The following ADGRL3 variants were observed in gnomAD, a reference collection of about 807,000 sequenced individuals.
ADGRL3 encodes the protein calcium-independent alpha-latrotoxin receptor 3.
In ADGRL3, 62 loss-of-function variants were observed where a neutral mutation model predicts 153.5. That is an observed-to-expected ratio of 0.40 (90% confidence interval 0.33 to 0.50). The LOEUF (loss-of-function observed/expected upper bound fraction) is 0.50, where lower values mean the gene tolerates loss of function less well. ADGRL3 is among the 20% of genes least tolerant of loss of function. ADGRL3 has a pLI of 0.47. For missense variants in ADGRL3, 1,641 were observed against 1,859.4 expected (o/e 0.88, Z 2.16); for synonymous variants, 710 against 672.5 (o/e 1.06, Z -0.86).
chr4:61,214,097 A>G (rs931035811), intron 1 of ADGRL3, among the ~76,000 whole-genome samples: 5 of 152,198 alleles, frequency 3.3e-5, no homozygotes, highest in Admixed American at 1.3e-4. Context: ...AACTTTTACT[A>G]ACTCTTTGGT....
intron 5 of ADGRL3, among the ~76,000 whole-genome samples, chr4:61,604,012 T>C (rs1244027490): frequency 6.6e-6 from 1 of 152,166 alleles, no homozygotes; most frequent in African/African-American, 2.4e-5. Flanking sequence ...GAGAGAGACA[T>C]TTGGCACTAA....
At chr4:62,016,292 C>T (rs910712987) in intron 21 of ADGRL3, among the ~76,000 whole-genome samples, 21 of 152,094 alleles carry the variant, frequency 1.4e-4, no homozygotes, top group Non-Finnish European at 1.9e-4. Flanking sequence ...CATGATCTGC[C>T]CCCCTCGGCC....
chr4:61,744,122 T>A (rs1263147572), intron 8 of ADGRL3, among the ~76,000 whole-genome samples: 1 of 151,882 alleles, frequency 6.6e-6, no homozygotes, highest in Non-Finnish European at 1.5e-5. Context: ...AGCACAACAG[T>A]CTGAGATCAA....
chr4:61,825,398 G>T (rs1290375609), intron 9 of ADGRL3, among the ~76,000 whole-genome samples: 1 of 152,092 alleles, frequency 6.6e-6, no homozygotes, highest in Non-Finnish European at 1.5e-5. Flanking sequence ...TAATTTAGCA[G>T]CAATACTCTA....
At position 61,202,876 on chromosome 4, in the gene ADGRL3, T is replaced by G. The variant is rs1298141272; in HGVS notation, c.-240+1111T>G. On this transcript the variant is annotated intron_variant, in intron 1 of 26. Coordinates refer to ENST00000683033, the MANE Select transcript of ADGRL3 (RefSeq NM_001387552.1). This position sits in a 1 kb window ranked among gnomAD's most constrained non-coding sequence, Gnocchi z 5.0. ...TTGCGCCCCAGGGACGGCAGAGAGATATTTGCGGGGATGCCGGAGCTGATG... is the reference window on the plus strand; with the variant it reads ...TTGCGCCCCAGGGACGGCAGAGAGAGATTTGCGGGGATGCCGGAGCTGATG... Among the ~76,000 whole-genome samples, 1 of 152,128 alleles carries G rather than the reference T, an allele frequency of 6.6e-6. No individual in the cohort carries two copies. Among genetic ancestry groups the G allele is most frequent in the African/African-American group, 2.4e-5 (1 of 41,438 alleles).
At chr4:61,571,093 G>A (rs1481111018) in intron 4 of ADGRL3, among the ~76,000 whole-genome samples, 1 of 151,954 alleles carries the variant, frequency 6.6e-6, no homozygotes, top group African/African-American at 2.4e-5. Flanking sequence ...TGCAAGAGAT[G>A]ATCTTAGGGG....
At chr4:61,659,076 C>G (rs543453412) in intron 5 of ADGRL3, among the ~76,000 whole-genome samples, 1 of 152,230 alleles carries the variant, frequency 6.6e-6, no homozygotes, top group South Asian at 2.1e-4. Flanking sequence ...GCAGCTGCAT[C>G]TTTCCAATCT....
At chr4:61,803,070 A>G (rs1267592892) in intron 8 of ADGRL3, among the ~76,000 whole-genome samples, 2 of 152,146 alleles carry the variant, frequency 1.3e-5, no homozygotes, top group Non-Finnish European at 2.9e-5. Flanking sequence ...TCTTTAAAAC[A>G]TTCAAATTAA....
rs531933665 is a variant in ADGRL3, at chr4:61,417,145, T to C, written c.-174+33956T>C. Among the ~76,000 whole-genome samples, 6 of 152,262 alleles carry C rather than the reference T, an allele frequency of 3.9e-5. No individual in the cohort carries two copies. In the East Asian group the frequency reaches 1.2e-3, roughly 29 times the overall value. ...ACCTCCTGCTGTGCATCCGGGTTCCTAACAGGCCATGGGCCAGTACGTGGC... is the reference window on the plus strand; with the variant it reads ...ACCTCCTGCTGTGCATCCGGGTTCCCAACAGGCCATGGGCCAGTACGTGGC... On this transcript the variant is annotated intron_variant, in intron 2 of 26. Coordinates refer to ENST00000683033, the MANE Select transcript of ADGRL3 (RefSeq NM_001387552.1).
At chr4:61,700,195 T>C (rs1476086882) in intron 6 of ADGRL3, among the ~76,000 whole-genome samples, 1 of 152,304 alleles carries the variant, frequency 6.6e-6, no homozygotes, top group African/African-American at 2.4e-5. Flanking sequence ...AATATAGATG[T>C]AAATAACACA....
chr4:61,579,265 T>A (rs767012572), intron 4 of ADGRL3, among the ~76,000 whole-genome samples: 14 of 152,130 alleles, frequency 9.2e-5, no homozygotes, highest in Non-Finnish European at 1.6e-4. Context: ...AAAAAATTTC[T>A]TTTGAACTAA....
chr4:62,060,605 T>C (rs1236540141), intron 25 of ADGRL3, among the ~76,000 whole-genome samples: 2 of 151,924 alleles, frequency 1.3e-5, no homozygotes, highest in Non-Finnish European at 2.9e-5. Context: ...AAATATAAGA[T>C]GGGAAGTACA....
In ADGRL3 at chr4:61,545,975, G is replaced by A. The variant is rs917487767; in HGVS notation, c.259+28457G>A. ...GTCCTCTTAGTTTAATCTAAGGACT[G>A]TGCTGTCCCCACATCAATAAGCACT... On this transcript the variant is annotated intron_variant, in intron 4 of 26. Coordinates refer to ENST00000683033, the MANE Select transcript of ADGRL3 (RefSeq NM_001387552.1). Among the ~76,000 whole-genome samples the A allele has an allele frequency of 4.6e-5, 7 of 152,318 alleles. No individual in the cohort carries two copies. In the South Asian group the frequency reaches 6.2e-4, roughly 14 times the overall value.
chr4:61,293,584 A>G (rs958039700), intron 1 of ADGRL3, among the ~76,000 whole-genome samples: 3 of 152,188 alleles, frequency 2.0e-5, no homozygotes, highest in African/African-American at 7.2e-5. Context: ...GTAAATGCCT[A>G]CTTATGTGTT....
chr4:61,945,470 C>G (rs1345989998), intron 15 of ADGRL3, among the ~76,000 whole-genome samples: 424 of 118,998 alleles, frequency 3.6e-3, no homozygotes, highest in African/African-American at 0.014. Context: ...CCACCCAGTT[C>G]GAGCTTCCAG....
chr4:61,945,248 GGGGGTCA>G (rs1290785023), intron 15 of ADGRL3, among the ~76,000 whole-genome samples: 3 of 6,546 alleles, frequency 4.6e-4, no homozygotes, highest in East Asian at 0.019. Context: ...TAGGCTGCTC[GGGGGTCA>G]GGGGTCAGGG....
chr4:61,949,971 G>A (rs558789737), intron 17 of ADGRL3, among the ~76,000 whole-genome samples: 57 of 152,208 alleles, frequency 3.7e-4, no homozygotes, highest in African/African-American at 1.3e-3. Context: ...ATTGTGGAAA[G>A]AAAATGACTA....
At chr4:62,036,051 T>C (rs1005144609) in intron 23 of ADGRL3, among the ~76,000 whole-genome samples, 2 of 152,082 alleles carry the variant, frequency 1.3e-5, no homozygotes, top group East Asian at 1.9e-4. Flanking sequence ...ACACAAAATA[T>C]GGACTGACTT....
In ADGRL3 at chr4:61,547,798, T is replaced by C. The variant is rs184173844; in HGVS notation, c.259+30280T>C. 9.9e-5 allele frequency among the ~76,000 whole-genome samples: 15 copies of C among 152,224 alleles called. No homozygotes were observed. In the East Asian group the frequency reaches 1.7e-3, roughly 18 times the overall value. ...AATAGGGTTAGTGGGTCAAATGATA[T>C]TTCTTCTTTCAGTTTTTTGAGAAAT... On this transcript the variant is annotated intron_variant, in intron 4 of 26. Coordinates refer to ENST00000683033, the MANE Select transcript of ADGRL3 (RefSeq NM_001387552.1).
Sources: allele counts gnomAD v4.1 joint callset (sites outside exome capture counted in the v4.1 genomes callset), GRCh38; gene constraint gnomAD v4.1.1; non-coding constraint Gnocchi (gnomAD v3.1); transcripts MANE v1.5; gene names NCBI Gene and HGNC (gene_info 2026-07-23, HGNC 2026-07-21).